ARHGAP42: variants seen among roughly 807,000 people sequenced by gnomAD.
ARHGAP42 encodes Rho GTPase activating protein 42, also known as rho GTPase-activating protein 42.
In ARHGAP42, 63 loss-of-function variants were observed where a neutral mutation model predicts 125.0. That is an observed-to-expected ratio of 0.50 (90% CI 0.41 to 0.62). The LOEUF (loss-of-function observed/expected upper bound fraction) is 0.62, where lower values mean the gene tolerates loss of function less well. Among genes scored for constraint, ARHGAP42 ranks in the 20% least tolerant of loss-of-function variants. The pLI is 0.00. For synonymous variants in ARHGAP42, 339 were observed against 351.0 expected (o/e 0.97, Z 0.38); for missense variants, 766 against 1,024.2 (o/e 0.75, Z 3.44).
chr11:100,827,610 G>A (rs1864553785), intron 3 of ARHGAP42, among the ~76,000 whole-genome samples: 1 of 152,222 alleles, frequency 6.6e-6, no homozygotes, highest in Non-Finnish European at 1.5e-5. Flanking sequence ...AGGCTGTGGG[G>A]AATACCATGG....
intron 4 of ARHGAP42, among the ~76,000 whole-genome samples, chr11:100,863,054 C>T (rs28631587): frequency 6.6e-4 from 36 of 54,876 alleles, no homozygotes; most frequent in Non-Finnish European, 1.2e-3. Flanking sequence ...AAAAAAAAAA[C>T]ACAAAACACA....
chr11:100,906,593 C>A (rs112391139), intron 4 of ARHGAP42, among the ~76,000 whole-genome samples: 1 of 151,608 alleles, frequency 6.6e-6, no homozygotes, highest in African/African-American at 2.4e-5. Context: ...AAAAAAAATT[C>A]ATTCTGGAAA....
chr11:100,911,467 T>C (rs1866915310), intron 4 of ARHGAP42, among the ~76,000 whole-genome samples: 1 of 152,032 alleles, frequency 6.6e-6, no homozygotes, highest in Admixed American at 6.6e-5. Flanking sequence ...AGCTGGATGC[T>C]AAAAGTAGAT....
At chr11:100,764,289 G>T (rs149936548) in intron 1 of ARHGAP42, among the ~76,000 whole-genome samples, 1 of 152,072 alleles carries the variant, frequency 6.6e-6, no homozygotes, top group Non-Finnish European at 1.5e-5. Flanking sequence ...CTCCCAAAGC[G>T]TTGAGATTAC....
chr11:100,884,774 T>C (rs190271971), intron 4 of ARHGAP42, among the ~76,000 whole-genome samples: 3 of 152,306 alleles, frequency 2.0e-5, no homozygotes, highest in Admixed American at 2.0e-4. Flanking sequence ...CATTCGTATT[T>C]CAGAATATTT....
chr11:100,953,078 T>C (rs1857708107), intron 12 of ARHGAP42, among the ~76,000 whole-genome samples: 1 of 152,136 alleles, frequency 6.6e-6, no homozygotes, highest in Admixed American at 6.6e-5. Flanking sequence ...TTTATATCTT[T>C]CTTTTTGTCA....
chr11:100,707,663 A>G (rs1861500716), intron 1 of ARHGAP42, among the ~76,000 whole-genome samples: 2 of 152,200 alleles, frequency 1.3e-5, no homozygotes, highest in Non-Finnish European at 2.9e-5. Context: ...GGAGAAAGAA[A>G]ATGAGACATT....
chr11:100,698,248 C>G (rs1861320920), intron 1 of ARHGAP42, among the ~76,000 whole-genome samples: 1 of 152,204 alleles, frequency 6.6e-6, no homozygotes, highest in Non-Finnish European at 1.5e-5. Context: ...GAGGTGGGAG[C>G]ATCATTTGAG....
chr11:100,949,520 G>A (rs1356425306), intron 11 of ARHGAP42, among the ~76,000 whole-genome samples: 1 of 152,120 alleles, frequency 6.6e-6, no homozygotes, highest in African/African-American at 2.4e-5. Context: ...TAGTTTGTTA[G>A]CCCAACAATG....
At chr11:100,797,732 C>T (rs1863753658) in intron 3 of ARHGAP42, among the ~76,000 whole-genome samples, 1 of 152,202 alleles carries the variant, frequency 6.6e-6, no homozygotes. Context: ...ATTCATTCTG[C>T]AGCCCATGGA....
At chr11:100,963,732 C>T (rs538768326) in intron 16 of ARHGAP42, among the ~76,000 whole-genome samples, 136 of 152,302 alleles carry the variant, frequency 8.9e-4, no homozygotes, top group African/African-American at 3.1e-3. Flanking sequence ...TCTGACCTCT[C>T]ATTCTATGAA....
At chr11:100,739,279 AT>A (rs555610031) in intron 1 of ARHGAP42, among the ~76,000 whole-genome samples, 8,644 of 146,164 alleles carry the variant, frequency 0.059, 377 homozygotes, top group African/African-American at 0.12. Context: ...ATACTCTTGG[AT>A]TTTTTTTTTT....
At chr11:100,809,399 GGAATTATTAT>G (rs1309096357) in intron 3 of ARHGAP42, among the ~76,000 whole-genome samples, 2 of 152,124 alleles carry the variant, frequency 1.3e-5, no homozygotes, top group Non-Finnish European at 2.9e-5. Context: ...CAGAAACAAA[GGAATTATTAT>G]GAGTTAGGCA....
At chr11:100,840,260 G>T (rs1171644668) in intron 3 of ARHGAP42, among the ~76,000 whole-genome samples, 4 of 152,104 alleles carry the variant, frequency 2.6e-5, no homozygotes, top group African/African-American at 9.7e-5. Context: ...CTTTGCCTTG[G>T]GACACCCAAG....
Position 100,992,585 on chromosome 11 carries a change from C to T in ARHGAP42, c.*3784C>T. 6.2e-7 allele frequency: 1 copy of T among 1,614,106 alleles called. No homozygotes were observed. ...TAATATCGAGTATTCATCAACTGGT[C>T]TCAATTTCCTGAACACATTCACTGT... On this transcript the variant is annotated 3_prime_UTR_variant, in exon 24 of 24. Coordinates refer to ENST00000298815, the MANE Select transcript of ARHGAP42 (RefSeq NM_152432.4).
At chr11:100,977,279 T>C (rs2135322411) in intron 21 of ARHGAP42, among the ~76,000 whole-genome samples, 1 of 152,284 alleles carries the variant, frequency 6.6e-6, no homozygotes, top group South Asian at 2.1e-4. Flanking sequence ...GAACTAAAAG[T>C]GTTCCCATTA....
At chr11:100,733,901 G>A (rs1244817790) in intron 1 of ARHGAP42, among the ~76,000 whole-genome samples, 1 of 143,656 alleles carries the variant, frequency 7.0e-6, no homozygotes, top group Non-Finnish European at 1.5e-5. Flanking sequence ...AAATCTTTTG[G>A]TAAAGAAACT....
At position 100,976,205 on chromosome 11, in the gene ARHGAP42, A is replaced by G. The variant is rs654593; in HGVS notation, c.2004A>G (p.Pro668=). The G allele has an allele frequency of 0.47, 722,522 of 1,550,884 alleles. 179,216 individuals are homozygous for G. The highest frequency in any genetic ancestry group is 1 in the East Asian group (40,795 of 40,882). Reference sequence around the variant, plus strand: ...GAGGGATTCCTTGGATTGCAACCCCATCATCTTCCAATGGACAGAAAAGCC... The same window carrying G: ...GAGGGATTCCTTGGATTGCAACCCCGTCATCTTCCAATGGACAGAAAAGCC... ...KSGGIPWIAT[P]SSSNGQKSLG... The change falls in exon 20 of 24, where the codon CCA becomes CCG. Residue 668 remains proline (P), a synonymous_variant. Coordinates refer to ENST00000298815, the MANE Select transcript of ARHGAP42 (RefSeq NM_152432.4).
chr11:100,702,952 GTAA>G (rs113948623), intron 1 of ARHGAP42, among the ~76,000 whole-genome samples: 82,320 of 151,378 alleles, frequency 0.54, 23,088 homozygotes, highest in African/African-American at 0.71. Flanking sequence ...ATGAGCCACT[GTAA>G]TCCCTGCCTG....
Sources: gnomAD v4.1 joint callset for allele counts (sites outside exome capture counted in the v4.1 genomes callset) on GRCh38, gnomAD v4.1.1 for gene constraint, MANE v1.5 for transcripts, NCBI Gene and HGNC (gene_info 2026-07-23, HGNC 2026-07-21) for gene names.